The following FAM117B variants were observed in gnomAD, a reference collection of about 807,000 sequenced individuals.
The protein encoded by FAM117B is protein FAM117B.
Under a neutral mutation model 52.8 loss-of-function variants are expected in FAM117B, and 22 were observed. The ratio of observed to expected loss-of-function variants is 0.42; its 90% confidence interval spans 0.30 to 0.59. The LOEUF is 0.59. FAM117B is among the 20% of genes least tolerant of loss of function. The pLI, the probability that FAM117B is intolerant of heterozygous loss-of-function variation, is 0.22. For synonymous variants in FAM117B, 309 were observed against 324.1 expected (o/e 0.95, Z 0.50); for missense variants, 678 against 802.6 (o/e 0.84, Z 1.88).
At chr2:202,696,649 C>T (rs892115035) in intron 2 of FAM117B, among the ~76,000 whole-genome samples, 18 of 152,088 alleles carry the variant, frequency 1.2e-4, no homozygotes, top group Admixed American at 5.9e-4. Flanking sequence ...CTTCATGTTT[C>T]GGGAGATGGG....
chr2:202,679,164 A>G (rs184477342), intron 1 of FAM117B, among the ~76,000 whole-genome samples: 135 of 152,320 alleles, frequency 8.9e-4, no homozygotes, highest in Admixed American at 1.0e-3. Flanking sequence ...TCATCAAACA[A>G]CTATTTTTTA....
intron 1 of FAM117B, among the ~76,000 whole-genome samples, chr2:202,644,149 A>C (rs1376556415): frequency 7.1e-6 from 1 of 141,112 alleles, no homozygotes; most frequent in Non-Finnish European, 1.5e-5. Flanking sequence ...TCTAATCACC[A>C]TCCTACCGAA....
At position 202,755,672 on chromosome 2, in the gene FAM117B, G is replaced by A; in HGVS notation, c.1095G>A (p.Glu365=). Residue 365 remains glutamate (E), a synonymous_variant, in exon 5 of 8, where the codon GAG becomes GAA. Coordinates refer to ENST00000392238, the MANE Select transcript of FAM117B (RefSeq NM_173511.4). Reference sequence around the variant, plus strand: ...TTAAAGAGACTGGGGAAAAGGAAGAGCAACTTATAGTAAGTGATCTTGTAT... The same window carrying A: ...TTAAAGAGACTGGGGAAAAGGAAGAACAACTTATAGTAAGTGATCTTGTAT... ...IIIKETGEKE[E]QLIPQDIPDG... is the part of the protein sequence containing the mutation. 1.9e-6 allele frequency: 3 copies of A among 1,612,604 alleles called. No homozygotes were observed. The highest frequency in any genetic ancestry group is 2.5e-6 in the Non-Finnish European group (3 of 1,179,174).
At chr2:202,637,504 G>A (rs980142098) in intron 1 of FAM117B, among the ~76,000 whole-genome samples, 2 of 152,118 alleles carry the variant, frequency 1.3e-5, no homozygotes, top group African/African-American at 4.8e-5. Context: ...TGATCTGCCC[G>A]CCTTGGCCTC....
Position 202,759,224 on chromosome 2 carries a change from T to A in FAM117B, c.1331-9T>A. On this transcript the variant is annotated splice_polypyrimidine_tract_variant and intron_variant, in intron 6 of 7. Transcript: ENST00000392238. ...TTTATGTAGTAATCTAATGTGTCAT[T>A]TCTTGCAGAGAATGGGAACAATTCT... 1 of 1,613,782 alleles carries A rather than the reference T, an allele frequency of 6.2e-7. No homozygotes were observed. Among genetic ancestry groups the A allele is most frequent in the Non-Finnish European group, 8.5e-7 (1 of 1,179,890 alleles).
intron 1 of FAM117B, among the ~76,000 whole-genome samples, chr2:202,672,141 G>A (rs1182346547): frequency 6.6e-6 from 1 of 152,136 alleles, no homozygotes; most frequent in Non-Finnish European, 1.5e-5. Flanking sequence ...TTCAAGTCCT[G>A]TAAAAATCAC....
intron 1 of FAM117B, among the ~76,000 whole-genome samples, chr2:202,652,872 C>T (rs1689977659): frequency 6.6e-6 from 1 of 152,164 alleles, no homozygotes; most frequent in Non-Finnish European, 1.5e-5. Flanking sequence ...CCGTAAATCT[C>T]AGTAACCTGC....
intron 2 of FAM117B, among the ~76,000 whole-genome samples, chr2:202,714,506 T>G (rs1691007857): frequency 6.6e-6 from 1 of 151,570 alleles, no homozygotes; most frequent in Non-Finnish European, 1.5e-5. Flanking sequence ...TGCATATATA[T>G]TTACAGTTGT....
In FAM117B at chr2:202,634,983, T is replaced by C. The variant is rs1422686564; in HGVS notation, c.-205T>C. On this transcript the variant is annotated 5_prime_UTR_variant, in exon 1 of 8. Coordinates refer to ENST00000392238, the MANE Select transcript of FAM117B (RefSeq NM_173511.4). ...GCGGGGGCAGCAGAGGAGACACTAT[T>C]GTTGATGAGGAGCGGCGGCGGCGGC... Among the ~76,000 whole-genome samples the C allele has an allele frequency of 1.4e-5, 2 of 147,480 alleles. No individual in the cohort carries two copies. The highest frequency in any genetic ancestry group is 5.1e-5 in the African/African-American group (2 of 38,860).
In FAM117B at chr2:202,741,416, C is replaced by CAA. The variant is rs1156278814; in HGVS notation, c.961-14093_961-14092dup. Among the ~76,000 whole-genome samples the CAA allele has an allele frequency of 9.2e-3, 323 of 34,974 alleles. 58 individuals are homozygous for CAA. The highest frequency in any genetic ancestry group is 0.019 in the East Asian group (15 of 780). The allele number at this position is 34,974 out of a possible 152,430, so 22.9% of individuals were successfully genotyped here. Reference sequence around the variant, plus strand: ...CTGGTGACAGAGCAAGACTCTGTCTCAAAAAAAAAAAAAAAAAAAAAAAAA... The same window carrying CAA: ...CTGGTGACAGAGCAAGACTCTGTCTCAAAAAAAAAAAAAAAAAAAAAAAAAAA... On this transcript the variant is annotated intron_variant, in intron 4 of 7. Coordinates refer to ENST00000392238, the MANE Select transcript of FAM117B (RefSeq NM_173511.4).
chr2:202,681,707 A>G (rs1337560410), intron 1 of FAM117B, among the ~76,000 whole-genome samples: 1 of 152,258 alleles, frequency 6.6e-6, no homozygotes, highest in Non-Finnish European at 1.5e-5. Flanking sequence ...ACTTAATAAC[A>G]TTGTCAACAA....
intron 2 of FAM117B, among the ~76,000 whole-genome samples, chr2:202,707,059 T>C (rs1426625008): frequency 6.6e-6 from 1 of 152,182 alleles, no homozygotes; most frequent in African/African-American, 2.4e-5. Context: ...TTTTTATTTT[T>C]ATTTTTTTAG....
intron 1 of FAM117B, among the ~76,000 whole-genome samples, chr2:202,687,019 G>A (rs1463363424): frequency 1.3e-5 from 2 of 152,152 alleles, no homozygotes; most frequent in East Asian, 3.9e-4. Context: ...AGAGCCAGTA[G>A]TATAGTTCTA....
chr2:202,672,007 T>C (rs952208083), intron 1 of FAM117B, among the ~76,000 whole-genome samples: 1 of 152,150 alleles, frequency 6.6e-6, no homozygotes, highest in Non-Finnish European at 1.5e-5. Flanking sequence ...TTAGGTGTGT[T>C]AGTTACTTCA....
At chr2:202,717,618 A>G (rs1012567906) in intron 2 of FAM117B, among the ~76,000 whole-genome samples, 4 of 152,204 alleles carry the variant, frequency 2.6e-5, no homozygotes, top group Admixed American at 6.5e-5. Context: ...CTGGATTACA[A>G]GGCAGAGACC....
chr2:202,635,379 C>T lies in FAM117B; in HGVS notation c.192C>T (p.Asn64=). 1 of 1,362,628 alleles carries T rather than the reference C, an allele frequency of 7.3e-7. No individual in the cohort carries two copies. Among genetic ancestry groups the T allele is most frequent in the Non-Finnish European group, 9.4e-7 (1 of 1,060,622 alleles). 84.4% of individuals were successfully genotyped at this position (1,362,628 alleles called of 1,614,324 possible). ...GGAGCGGCGGCGGCGGCGGCGGCAA[C>T]AACAACGGTGGCTGCTGTGGTGGCG... ...PTRSGGGGGG[N]NNGGCCGGAS... Residue 64 remains asparagine, a synonymous_variant, in exon 1 of 8, where the codon AAC becomes AAT. Coordinates refer to ENST00000392238, the MANE Select transcript of FAM117B (RefSeq NM_173511.4).
chr2:202,754,021 A>G (rs1436214715), intron 4 of FAM117B, among the ~76,000 whole-genome samples: 1 of 152,244 alleles, frequency 6.6e-6, no homozygotes, highest in Non-Finnish European at 1.5e-5. Flanking sequence ...CAATCCCATT[A>G]CTGAATATAT....
intron 7 of FAM117B, among the ~76,000 whole-genome samples, chr2:202,761,461 T>C (rs1171928786): frequency 1.3e-5 from 2 of 152,184 alleles, no homozygotes; most frequent in Non-Finnish European, 2.9e-5. Context: ...TGTGTGTCTG[T>C]AGATAGATCA....
rs1370248817 is a variant in FAM117B at position 202,757,313 on chromosome 2, G to A, written c.1205G>A (p.Arg402Lys). 1 of 1,614,104 alleles carries A rather than the reference G, an allele frequency of 6.2e-7. No individual in the cohort carries two copies. Among genetic ancestry groups the A allele is most frequent in the Admixed American group, 1.7e-5 (1 of 60,012 alleles). ...IDTQTPGGADRGSNNSSRSQS... is the reference protein window; with the variant it reads ...IDTQTPGGADKGSNNSSRSQS... ...ACACAGACGCCTGGTGGGGCAGACA[G>A]GGGAAGCAACAACAGCAGCCGTTCC... Residue 402 changes from arginine (R) to lysine (K), a missense_variant, in exon 6 of 8, where the codon AGG becomes AAG. Arg to Lys is a conservative substitution (Grantham distance 26). Coordinates refer to ENST00000392238, the MANE Select transcript of FAM117B (RefSeq NM_173511.4).
Sources: gnomAD v4.1 joint callset for allele counts (sites outside exome capture counted in the v4.1 genomes callset) on GRCh38, gnomAD v4.1.1 for gene constraint, MANE v1.5 for transcripts, NCBI Gene and HGNC (gene_info 2026-07-23, HGNC 2026-07-21) for gene names.